AKR1C3: variants seen among roughly 807,000 people sequenced by gnomAD.
AKR1C3 encodes the protein aldo-keto reductase family 1 member C3.
In AKR1C3, 48 loss-of-function variants were observed where a neutral mutation model predicts 43.6. The ratio of observed to expected loss-of-function variants is 1.10; its 90% confidence interval spans 0.87 to 1.40. The LOEUF (loss-of-function observed/expected upper bound fraction) is 1.40, where lower values mean the gene tolerates loss of function less well. Among genes scored for constraint, AKR1C3 ranks in the 40% most tolerant of loss-of-function variants. The probability of loss-of-function intolerance (pLI) is 0.00; values close to 1 mark genes in which losing one functional copy is unlikely to be tolerated. For missense variants in AKR1C3, 482 were observed against 391.2 expected, an observed-to-expected ratio of 1.23 and a Z score of -1.96; for synonymous variants, 162 against 139.6, an observed-to-expected ratio of 1.16 and a Z score of -1.13.
At chr10:5,078,943 C>T (rs945539607) in intron 1 of AKR1C3, among the ~76,000 whole-genome samples, 1 of 152,196 alleles carries the variant, frequency 6.6e-6, no homozygotes, top group Non-Finnish European at 1.5e-5. Flanking sequence ...GGCATTAACA[C>T]TCACTAGACG....
chr10:5,086,647 C>T (rs539502007), intron 1 of AKR1C3, among the ~76,000 whole-genome samples: 76 of 152,062 alleles, frequency 5.0e-4, no homozygotes, highest in African/African-American at 1.6e-3. Flanking sequence ...CTTTCTGTCT[C>T]GTTGATCTGT....
Position 5,104,016 on chromosome 10 carries a change from G to A in AKR1C3, c.846+1366G>A, listed in dbSNP as rs587713048. Among the ~76,000 whole-genome samples, 7 of 152,066 alleles carry A rather than the reference G, an allele frequency of 4.6e-5. No homozygotes were observed. The East Asian group carries it at 9.6e-4, about 21-fold the overall frequency. ...CATATATATATTCTGGGTATTAATCGTTTAGAGATTTAGATGTATTATTGA... is the reference window on the plus strand; with the variant it reads ...CATATATATATTCTGGGTATTAATCATTTAGAGATTTAGATGTATTATTGA... On this transcript the variant is annotated intron_variant, in intron 7 of 8. Transcript: ENST00000380554.
chr10:5,073,467 T>C (rs75093619), intron 1 of AKR1C3, among the ~76,000 whole-genome samples: 1,708 of 152,046 alleles, frequency 0.011, 16 homozygotes, highest in African/African-American at 0.026. Flanking sequence ...ATGGAAGACA[T>C]AGAACAACCC....
intron 1 of AKR1C3, chr10:5,077,861 T>C: frequency 1.8e-6 from 1 of 545,142 alleles, no homozygotes; most frequent in Non-Finnish European, 3.1e-6. Flanking sequence ...CGGAGTTATT[T>C]CTAAACAGAA....
At position 5,102,106 on chromosome 10, in the gene AKR1C3, A is replaced by G. The variant is rs781805054; in HGVS notation, c.576A>G (p.Glu192=). The G allele has an allele frequency of 1.4e-5, 23 of 1,609,144 alleles. No homozygotes were observed. The African/African-American group carries it at 2.3e-4, about 16-fold the overall frequency. ...LKYKPVCNQV[E]CHPYFNRSKL... is the part of the protein sequence containing the mutation. The stretch of plus-strand genomic sequence containing the variant: ...TCTCTTTTGGTCAACTGCAGGTAGA[A>G]TGTCATCCGTATTTCAACCGGAGTA... Residue 192 remains glutamate, a synonymous_variant, in exon 6 of 9, where the codon GAA becomes GAG. Transcript: ENST00000380554.
At chr10:5,086,740 C>G (rs534405719) in intron 1 of AKR1C3, among the ~76,000 whole-genome samples, 2 of 152,222 alleles carry the variant, frequency 1.3e-5, no homozygotes, top group South Asian at 4.2e-4. Flanking sequence ...TAAGGACTTG[C>G]TTTATGAATC....
intron 7 of AKR1C3, among the ~76,000 whole-genome samples, chr10:5,104,627 G>C (rs1346058271): frequency 6.6e-6 from 1 of 151,902 alleles, no homozygotes; most frequent in African/African-American, 2.4e-5. Context: ...ACATATTTTA[G>C]TCTTTGGTTG....
At chr10:5,060,187 G>A (rs899458591) in intron 1 of AKR1C3, among the ~76,000 whole-genome samples, 10 of 152,194 alleles carry the variant, frequency 6.6e-5, no homozygotes, top group African/African-American at 2.4e-4. Flanking sequence ...GTGAGCAGTA[G>A]CAAGATTTAT....
chr10:5,091,078 A>C (rs1273577755), upstream of AKR1C3, among the ~76,000 whole-genome samples: 1 of 152,014 alleles, frequency 6.6e-6, no homozygotes, highest in Non-Finnish European at 1.5e-5. Flanking sequence ...ATGTTCAAAT[A>C]ATGGCCTGTA....
Position 5,097,659 on chromosome 10 carries a change from A to G in AKR1C3, c.369+109A>G, listed in dbSNP as rs533106161. On this transcript the variant is annotated intron_variant, in intron 3 of 8. Transcript: ENST00000380554. ...ATTAGGAGGATGTAGGGATTATCAC[A>G]CAGAAGAAGAACCGTAAGTGGAACA... The G allele has an allele frequency of 3.0e-4, 479 of 1,585,132 alleles. No homozygotes were observed. The African/African-American group carries it at 4.5e-3, about 15-fold the overall frequency.
In AKR1C3 at chr10:5,096,412, T is replaced by C. The variant is rs782468664; in HGVS notation, c.87T>C (p.Val29=). The stretch of plus-strand genomic sequence containing the variant: ...ACTACCTTTGGTTGCTCCTCCAGGT[T>C]CCGAGAAGTAAAGCTTTGGAGGTCA... ...LGFGTYAPPE[V]PRSKALEVTK... Residue 29 remains valine, a splice_region_variant and synonymous_variant, in exon 2 of 9, where the codon GTT becomes GTC. Coordinates refer to ENST00000380554, the MANE Select transcript of AKR1C3 (RefSeq NM_003739.6). 1.9e-6 allele frequency: 3 copies of C among 1,612,870 alleles called. No individual in the cohort carries two copies. The East Asian group carries it at 6.7e-5, about 36-fold the overall frequency.
chr10:5,105,365 TTC>T, intron 7 of AKR1C3: 1 of 343,704 alleles, frequency 2.9e-6, no homozygotes, highest in South Asian at 6.5e-5. Context: ...TGTTGAAATT[TTC>T]TCTTTGTCTG....
intron 1 of AKR1C3, 97 bp from the exon 2 acceptor site, chr10:5,096,313 G>C: frequency 7.0e-7 from 1 of 1,434,142 alleles, no homozygotes; most frequent in Non-Finnish European, 9.4e-7. Context: ...ATACAGACAG[G>C]AGGAAAAGCT....
chr10:5,073,696 A>G (rs1412477330), intron 1 of AKR1C3, among the ~76,000 whole-genome samples: 1 of 152,172 alleles, frequency 6.6e-6, no homozygotes, highest in African/African-American at 2.4e-5. Context: ...AGAAAAATGA[A>G]AAGACTGCCA....
intron 1 of AKR1C3, among the ~76,000 whole-genome samples, chr10:5,053,629 G>T (rs538038264): frequency 1.3e-5 from 2 of 152,370 alleles, no homozygotes; most frequent in East Asian, 1.9e-4. Context: ...GAATGGCAAG[G>T]ACTGTGAGGC....
chr10:5,089,272 A>C (rs1431876547), intron 1 of AKR1C3, among the ~76,000 whole-genome samples: 2 of 152,042 alleles, frequency 1.3e-5, no homozygotes, highest in South Asian at 2.1e-4. Flanking sequence ...GAATTTTTTG[A>C]ATCTCATTTC....
chr10:5,105,520 C>A, intron 7 of AKR1C3, 75 bp from the exon 8 acceptor site: 1 of 1,106,868 alleles, frequency 9.0e-7, no homozygotes, highest in Non-Finnish European at 1.3e-6. Context: ...ATTGTCTCTG[C>A]ACCCTACTGT....
intron 1 of AKR1C3, among the ~76,000 whole-genome samples, chr10:5,051,443 A>T (rs1307760606): frequency 2.0e-5 from 3 of 152,194 alleles, no homozygotes; most frequent in African/African-American, 7.2e-5. Context: ...AGTAGAATTG[A>T]ATAATTTATT....
chr10:5,087,504 C>G (rs1184724181), intron 1 of AKR1C3, among the ~76,000 whole-genome samples: 2 of 151,576 alleles, frequency 1.3e-5, no homozygotes, highest in Non-Finnish European at 2.9e-5. Flanking sequence ...TTCCAAGTAG[C>G]TGAGATTACA....
Sources: allele counts gnomAD v4.1 joint callset (sites outside exome capture counted in the v4.1 genomes callset), GRCh38; gene constraint gnomAD v4.1.1; transcripts MANE v1.5; gene names NCBI Gene and HGNC (gene_info 2026-07-23, HGNC 2026-07-21).